The following XYLT1 variants were observed in gnomAD, a reference collection of about 807,000 sequenced individuals.
XYLT1 encodes beta-D-xylosyltransferase 1.
In XYLT1, 36 loss-of-function variants were observed where a neutral mutation model predicts 91.3. The observed-to-expected ratio is 0.39, with a 90% CI of 0.30 to 0.52. XYLT1 has a LOEUF of 0.52. Among genes scored for constraint, XYLT1 ranks in the 20% least tolerant of loss-of-function variants. The pLI is 0.68. For synonymous variants in XYLT1, 588 were observed against 532.0 expected, an observed-to-expected ratio of 1.11 and a Z score of -1.45; for missense variants, 1,242 against 1,284.5, an observed-to-expected ratio of 0.97 and a Z score of 0.51.
chr16:17,335,007 T>G (rs961365667), intron 2 of XYLT1, among the ~76,000 whole-genome samples: 5 of 152,122 alleles, frequency 3.3e-5, no homozygotes, highest in African/African-American at 1.2e-4. Flanking sequence ...GTGGATTGCT[T>G]GAAGCCAGGA....
intron 1 of XYLT1, among the ~76,000 whole-genome samples, chr16:17,464,485 G>C (rs2036861611): frequency 1.5e-5 from 1 of 66,150 alleles, no homozygotes; most frequent in Admixed American, 1.9e-4. Context: ...GAGCAAAACT[G>C]TCTCAAAAAA....
chr16:17,470,583 C>T lies in XYLT1; in HGVS notation c.214G>A (p.Ala72Thr). The change falls in exon 1 of 12, where the codon GCC becomes ACC. Residue 72 changes from alanine (A) to threonine (T), a missense_variant. By Grantham distance (58) the Ala-to-Thr change is moderately conservative (BLOSUM62 0). This residue lies in a region of XYLT1 where 437 missense variants were observed against 411.5 expected (regional missense o/e 1.06). Transcript: ENST00000261381. ...APRRERRDLP[A>T]EPAAARGGGG... is the part of the protein sequence containing the mutation. ...CCTCCTCGGGCTGCAGCCGGCTCGG[C>T]GGGCAGGTCCCGGCGCTCCCGGCGC... 3 of 1,191,496 alleles carry T rather than the reference C, an allele frequency of 2.5e-6. No individual in the cohort carries two copies. The highest frequency in any genetic ancestry group is 3.1e-6 in the Non-Finnish European group (3 of 962,796). 73.8% of individuals were successfully genotyped at this position (1,191,496 alleles called of 1,614,324 possible).
chr16:17,154,530 T>C (rs972721258), intron 6 of XYLT1, among the ~76,000 whole-genome samples: 2 of 152,306 alleles, frequency 1.3e-5, no homozygotes, highest in South Asian at 2.1e-4. Context: ...TAGGGATGTT[T>C]CCAAATACCT....
At chr16:17,138,579 C>CAGATGAACTGGGGT in intron 7 of XYLT1, 48 bp from the exon 8 acceptor site, 1 of 1,590,620 alleles carries the variant, frequency 6.3e-7, no homozygotes, top group Middle Eastern at 1.8e-4. Flanking sequence ...CAGCCTCCCA[C>CAGATGAACTGGGGT]AGATGAACTG....
intron 2 of XYLT1, among the ~76,000 whole-genome samples, chr16:17,340,218 T>C (rs953322662): frequency 4.6e-5 from 7 of 152,198 alleles, no homozygotes; most frequent in African/African-American, 1.7e-4. Context: ...ACCTCTGCAG[T>C]TGGTTTCCCA....
intron 2 of XYLT1, among the ~76,000 whole-genome samples, chr16:17,285,865 GGTGTATCTCTGTGTGTGTGTGTGTGTGT>G (rs920123949): frequency 3.5e-5 from 5 of 142,932 alleles, no homozygotes; most frequent in African/African-American, 1.3e-4. Context: ...CCCCAAACCT[GGTGTATCTCTGTGTGTGTGTGTGTGTGT>G]GTGTGTGTGT....
chr16:17,346,767 G>A (rs1450196125), intron 2 of XYLT1, among the ~76,000 whole-genome samples: 2 of 152,096 alleles, frequency 1.3e-5, no homozygotes, highest in Non-Finnish European at 2.9e-5. Context: ...TTTATAGCTG[G>A]AAGTTCCTTC....
chr16:17,358,802 G>T (rs930934530), intron 1 of XYLT1, among the ~76,000 whole-genome samples: 2 of 152,172 alleles, frequency 1.3e-5, no homozygotes, highest in Non-Finnish European at 2.9e-5. Context: ...TCATCAATTT[G>T]TGTCTGATCT....
At chr16:17,131,064 G>A (rs1376974962) in intron 9 of XYLT1, among the ~76,000 whole-genome samples, 2 of 152,166 alleles carry the variant, frequency 1.3e-5, no homozygotes, top group African/African-American at 4.8e-5. Flanking sequence ...AGGGCTTTGA[G>A]TTCACAGGCC....
Position 17,117,646 on chromosome 16 carries a change from C to G in XYLT1, c.2557G>C (p.Glu853Gln), listed in dbSNP as rs200659049. The G allele has an allele frequency of 1.7e-5, 27 of 1,609,892 alleles. No homozygotes were observed. In the Admixed American group the frequency reaches 3.5e-4, roughly 21 times the overall value. ...CCACATAGACACTGGGAGTACTTAC[C>G]AGGTTTGATGGGCTGCCTGTTCGAG... The part of the protein sequence containing the change: ...TFSNRQPIKP[E>Q]EALKLHNGPL... Residue 853 changes from glutamate to glutamine, a missense_variant and splice_region_variant, in exon 11 of 12, where the codon GAG becomes CAG. Glu to Gln is a conservative substitution (Grantham distance 29). Coordinates refer to ENST00000261381, the MANE Select transcript of XYLT1 (RefSeq NM_022166.4).
chr16:17,112,394 C>T (rs12927688), intron 11 of XYLT1, among the ~76,000 whole-genome samples: 26,663 of 149,350 alleles, frequency 0.18, 3,086 homozygotes, highest in South Asian at 0.28. Context: ...GGTAAAATGA[C>T]TCCTGGGTCA....
At chr16:17,237,328 T>C (rs565290090) in intron 3 of XYLT1, among the ~76,000 whole-genome samples, 1 of 152,318 alleles carries the variant, frequency 6.6e-6, no homozygotes, top group East Asian at 1.9e-4. Flanking sequence ...AGAGAAACTA[T>C]TAATTTTTTT....
At chr16:17,248,758 T>TC (rs905491106) in intron 3 of XYLT1, among the ~76,000 whole-genome samples, 1 of 150,546 alleles carries the variant, frequency 6.6e-6, no homozygotes, top group Non-Finnish European at 1.5e-5. Flanking sequence ...TTTTTTTTTT[T>TC]TTTTTTTGAG....
chr16:17,241,054 C>T (rs1003757581), intron 3 of XYLT1, among the ~76,000 whole-genome samples: 4 of 152,232 alleles, frequency 2.6e-5, no homozygotes, highest in Admixed American at 2.0e-4. Context: ...CCCTCTGCCA[C>T]CCCGGAGAGA....
intron 1 of XYLT1, among the ~76,000 whole-genome samples, chr16:17,455,197 G>A (rs938817429): frequency 1.6e-4 from 24 of 152,208 alleles, no homozygotes; most frequent in East Asian, 1.5e-3. Context: ...CCGGGATCCC[G>A]GGGGCTGGTG....
intron 1 of XYLT1, among the ~76,000 whole-genome samples, chr16:17,376,855 A>AAAAAAG (rs2035608763): frequency 1.0e-5 from 1 of 97,542 alleles, no homozygotes; most frequent in African/African-American, 3.4e-5. Context: ...AAAAAAAAAT[A>AAAAAAG]GGGACCAAAT....
At chr16:17,465,381 A>G (rs2036880182) in intron 1 of XYLT1, among the ~76,000 whole-genome samples, 1 of 152,014 alleles carries the variant, frequency 6.6e-6, no homozygotes, top group African/African-American at 2.4e-5. Context: ...CTTATCCCAC[A>G]AAGTTGGGAG....
At chr16:17,169,176 T>C (rs1303553166) in intron 5 of XYLT1, among the ~76,000 whole-genome samples, 1 of 152,114 alleles carries the variant, frequency 6.6e-6, no homozygotes, top group African/African-American at 2.4e-5. Flanking sequence ...GGTAGGTCCC[T>C]GTGATATGAA....
At chr16:17,319,311 G>C (rs2034682490) in intron 2 of XYLT1, among the ~76,000 whole-genome samples, 1 of 152,172 alleles carries the variant, frequency 6.6e-6, no homozygotes, top group Admixed American at 6.5e-5. Flanking sequence ...TCAAGGTGCA[G>C]CACAGTACCT....
Sources: gnomAD v4.1 joint callset for allele counts (sites outside exome capture counted in the v4.1 genomes callset) on GRCh38, gnomAD v4.1.1 for gene constraint, gnomAD v4.1.1 regional missense constraint, MANE v1.5 for transcripts, NCBI Gene and HGNC (gene_info 2026-07-23, HGNC 2026-07-21) for gene names.